CRB1: variants seen among roughly 807,000 people sequenced by gnomAD.
The protein encoded by CRB1 is protein crumbs homolog 1.
A neutral mutation model predicts 120.0 loss-of-function variants in CRB1; 83 were observed. That is an observed-to-expected ratio of 0.69 (90% confidence interval 0.58 to 0.83). The LOEUF (loss-of-function observed/expected upper bound fraction) is 0.83, where lower values mean the gene tolerates loss of function less well. CRB1 is among the 40% of genes least tolerant of loss of function. The pLI, the probability that CRB1 is intolerant of heterozygous loss-of-function variation, is 0.00. For synonymous variants in CRB1, 625 were observed against 612.5 expected (o/e 1.02, Z -0.30); for missense variants, 1,699 against 1,687.6 (o/e 1.01, Z -0.12).
intron 5 of CRB1, among the ~76,000 whole-genome samples, chr1:197,395,067 G>C (rs548128576): frequency 1.3e-5 from 2 of 152,098 alleles, no homozygotes; most frequent in African/African-American, 2.4e-5. Flanking sequence ...GAGGAGGAAG[G>C]CTGGGCCTCA....
chr1:197,415,134 T>C (rs900056892), intron 5 of CRB1, among the ~76,000 whole-genome samples: 1 of 152,166 alleles, frequency 6.6e-6, no homozygotes, highest in Non-Finnish European at 1.5e-5. Flanking sequence ...AAAAAAACAG[T>C]AGGCAATGGT....
intron 1 of CRB1, among the ~76,000 whole-genome samples, chr1:197,316,280 G>A (rs930809588): frequency 1.3e-5 from 2 of 152,100 alleles, no homozygotes; most frequent in Admixed American, 1.3e-4. Flanking sequence ...CGCCTCCCGG[G>A]TTCACACCAT....
intron 5 of CRB1, among the ~76,000 whole-genome samples, chr1:197,420,341 G>C (rs1016533879): frequency 1.3e-5 from 2 of 151,398 alleles, no homozygotes; most frequent in Non-Finnish European, 2.9e-5. Context: ...TTTTTGACTT[G>C]GAATCAGAAA....
At chr1:197,317,623 G>A (rs1657932185) in intron 1 of CRB1, among the ~76,000 whole-genome samples, 1 of 152,114 alleles carries the variant, frequency 6.6e-6, no homozygotes, top group Non-Finnish European at 1.5e-5. Context: ...AACCAAAACA[G>A]CATGGTAAAT....
chr1:197,362,324 A>T (rs1460907183), intron 5 of CRB1, among the ~76,000 whole-genome samples: 1 of 152,126 alleles, frequency 6.6e-6, no homozygotes, highest in Non-Finnish European at 1.5e-5. Flanking sequence ...TTAAAAAACA[A>T]CATGTGTTCT....
At chr1:197,299,224 C>T (rs969823607) in intron 1 of CRB1, among the ~76,000 whole-genome samples, 6 of 152,068 alleles carry the variant, frequency 3.9e-5, no homozygotes, top group Middle Eastern at 3.4e-3. Flanking sequence ...AGAGGAAGCA[C>T]GAATGGTCAA....
intron 11 of CRB1, among the ~76,000 whole-genome samples, chr1:197,449,446 A>G (rs1318174586): frequency 6.6e-6 from 1 of 152,082 alleles, no homozygotes; most frequent in African/African-American, 2.4e-5. Context: ...GGCTCACTGC[A>G]AGCTCCGCCT....
chr1:197,323,868 T>C (rs1658344202), intron 1 of CRB1, among the ~76,000 whole-genome samples: 1 of 152,164 alleles, frequency 6.6e-6, no homozygotes, highest in South Asian at 2.1e-4. Flanking sequence ...GCTTTGATTC[T>C]CATGGGGATG....
At chr1:197,352,255 A>G (rs1660149253) in intron 4 of CRB1, among the ~76,000 whole-genome samples, 1 of 152,228 alleles carries the variant, frequency 6.6e-6, no homozygotes, top group South Asian at 2.1e-4. Context: ...ATACATGGTT[A>G]AAGAAAGCAG....
At chr1:197,252,614 GA>G in the CRB1 span, among the ~76,000 whole-genome samples, 18 of 97,364 alleles carry the variant, frequency 1.8e-4, 1 homozygote, top group East Asian at 1.3e-3. Flanking sequence ...GTGTGTGTGT[GA>G]TATATATATG....
chr1:197,416,617 T>G (rs1445442052), intron 5 of CRB1, among the ~76,000 whole-genome samples: 1 of 152,336 alleles, frequency 6.6e-6, no homozygotes, highest in Non-Finnish European at 1.5e-5. Context: ...AAGTGAATTA[T>G]GAAAGAAATA....
chr1:197,464,029 A>T (rs1166314530), intron 11 of CRB1, among the ~76,000 whole-genome samples: 1 of 152,190 alleles, frequency 6.6e-6, no homozygotes, highest in Admixed American at 6.6e-5. Flanking sequence ...TCTAAGAACT[A>T]CTTAATAAAA....
chr1:197,422,062 C>G (rs1664363849), intron 6 of CRB1, 106 bp downstream of exon 6: 1 of 1,019,552 alleles, frequency 9.8e-7, no homozygotes, highest in South Asian at 1.4e-5. Context: ...CATAATGACC[C>G]CACAAGACTT....
chr1:197,303,621 T>G (rs1261826162), intron 1 of CRB1, among the ~76,000 whole-genome samples: 1 of 151,748 alleles, frequency 6.6e-6, no homozygotes, highest in East Asian at 1.9e-4. Flanking sequence ...ATTCAGACCC[T>G]GAAAAAAAAA....
At chr1:197,416,921 G>T (rs1222450823) in intron 5 of CRB1, among the ~76,000 whole-genome samples, 3 of 152,134 alleles carry the variant, frequency 2.0e-5, no homozygotes, top group South Asian at 2.1e-4. Flanking sequence ...TATTGGTCAA[G>T]CTGGTCTCAA....
intron 11 of CRB1, among the ~76,000 whole-genome samples, chr1:197,457,285 A>G (rs1317980945): frequency 6.6e-6 from 1 of 152,074 alleles, no homozygotes; most frequent in African/African-American, 2.4e-5. Flanking sequence ...TGCTCAGGTC[A>G]TTATAAGCAT....
chr1:197,356,908 G>C lies in CRB1; in HGVS notation c.1066G>C (p.Glu356Gln). ...CTGCCAGTCCAATGGGGAATGTGTG[G>C]AGCTGTCCTCAGAGAAACAATATGG... is the stretch of plus-strand genomic sequence containing the variant. ...NPCQSNGECVELSSEKQYGRI... is the reference protein window; with the variant it reads ...NPCQSNGECVQLSSEKQYGRI... The change falls in exon 5 of 12, where the codon GAG becomes CAG. Residue 356 changes from glutamate (E) to glutamine (Q), a missense_variant. Coordinates refer to ENST00000367400, the MANE Select transcript of CRB1 (RefSeq NM_201253.3). The C allele has an allele frequency of 6.2e-7, 1 of 1,614,196 alleles. No homozygotes were observed. Among genetic ancestry groups the C allele is most frequent in the Admixed American group, 1.7e-5 (1 of 60,028 alleles).
At chr1:197,410,848 A>T (rs551067482) in intron 5 of CRB1, among the ~76,000 whole-genome samples, 4 of 152,200 alleles carry the variant, frequency 2.6e-5, no homozygotes, top group African/African-American at 9.7e-5. Context: ...ATTCTCTCTA[A>T]ATCTGCACAG....
chr1:197,229,760 A>G, the CRB1 span, among the ~76,000 whole-genome samples: 1 of 152,118 alleles, frequency 6.6e-6, no homozygotes, highest in East Asian at 1.9e-4. Flanking sequence ...CTCCCTGCTG[A>G]TTTTAAACTT....
Sources: allele counts gnomAD v4.1 joint callset (sites outside exome capture counted in the v4.1 genomes callset), GRCh38; gene constraint gnomAD v4.1.1; transcripts MANE v1.5; gene names NCBI Gene and HGNC (gene_info 2026-07-23, HGNC 2026-07-21).